The following MYSM1 variants were observed in gnomAD, a reference collection of about 807,000 sequenced individuals.
MYSM1 encodes the protein Myb like, SWIRM and MPN domains 1.
MYSM1 carries 51 observed loss-of-function variants against 116.0 expected under a neutral mutation model. That is an observed-to-expected ratio of 0.44 (90% CI 0.35 to 0.56). The LOEUF (loss-of-function observed/expected upper bound fraction) is 0.56. MYSM1 is among the 20% of genes least tolerant of loss of function. The probability of loss-of-function intolerance (pLI) is 0.00; values close to 1 mark genes in which losing one functional copy is unlikely to be tolerated. For missense variants in MYSM1, 900 were observed against 974.9 expected, an observed-to-expected ratio of 0.92 and a Z score of 1.02; for synonymous variants, 313 against 315.2, an observed-to-expected ratio of 0.99 and a Z score of 0.07.
chr1:58,678,917 T>C (rs1030850114), intron 8 of MYSM1, among the ~76,000 whole-genome samples: 1 of 152,182 alleles, frequency 6.6e-6, no homozygotes, highest in African/African-American at 2.4e-5. Flanking sequence ...TTACCTAGTG[T>C]GACCTGGAAA....
At chr1:58,681,321 T>G (rs1369564199) in intron 8 of MYSM1, among the ~76,000 whole-genome samples, 3 of 152,196 alleles carry the variant, frequency 2.0e-5, no homozygotes, top group African/African-American at 7.2e-5. Context: ...ATGAAGAAAT[T>G]AATAGCACAT....
chr1:58,686,965 TA>T (rs57730856), intron 6 of MYSM1, among the ~76,000 whole-genome samples: 143 of 142,706 alleles, frequency 1.0e-3, no homozygotes, highest in Non-Finnish European at 1.0e-3. Flanking sequence ...CCTTGTTTCT[TA>T]AAAAAAAAAA....
intron 15 of MYSM1, 102 bp from the exon 16 acceptor site, chr1:58,667,328 G>T: frequency 2.3e-6 from 2 of 857,564 alleles, no homozygotes; most frequent in South Asian, 3.9e-5. Flanking sequence ...TCAAGGCCAA[G>T]ACTTTTATTT....
At chr1:58,699,875 G>A (rs1214037636) in intron 1 of MYSM1, 110 bp downstream of exon 1, 8 of 1,531,238 alleles carry the variant, frequency 5.2e-6, no homozygotes, top group Non-Finnish European at 7.0e-6. Context: ...CTGGCCCAGG[G>A]GACAGTCTTC....
At chr1:58,687,275 A>G (rs72907432) in intron 6 of MYSM1, among the ~76,000 whole-genome samples, 3,570 of 152,264 alleles carry the variant, frequency 0.023, 140 homozygotes, top group African/African-American at 0.081. Flanking sequence ...AAATAAATAC[A>G]TATTTACTTA....
intron 7 of MYSM1, 110 bp downstream of exon 7, chr1:58,685,043 C>A (rs1206455823): frequency 8.3e-6 from 7 of 841,698 alleles, no homozygotes; most frequent in Non-Finnish European, 1.8e-6. Context: ...GTATAAAATA[C>A]TTTAAAAACT....
At position 58,699,995 on chromosome 1, in the gene MYSM1, C is replaced by T. The variant is rs1025073405; in HGVS notation, c.58G>A (p.Ala20Thr). The T allele has an allele frequency of 1.9e-6, 3 of 1,613,472 alleles. No individual in the cohort carries two copies. Among genetic ancestry groups the T allele is most frequent in the Non-Finnish European group, 1.7e-6 (2 of 1,179,990 alleles). Reference protein sequence around the residue: ...IEGDVVAAAGAQPGSGENTAS... With the variant: ...IEGDVVAAAGTQPGSGENTAS... ...GTCTCTAAGCCTCACCCTGGCTGTGCCCCCGCCGCCGCTACCACGTCCCCT... is the reference window on the plus strand; with the variant it reads ...GTCTCTAAGCCTCACCCTGGCTGTGTCCCCGCCGCCGCTACCACGTCCCCT... The change falls in exon 1 of 20, where the codon GCA becomes ACA. Residue 20 changes from alanine (A) to threonine (T), a missense_variant. By Grantham distance (58) the Ala-to-Thr change is moderately conservative. Transcript: ENST00000472487.
In MYSM1 at chr1:58,656,387, G is replaced by T. The variant is rs1644319367; in HGVS notation, c.*3610C>A. The T allele has an allele frequency of 6.7e-6, 1 of 150,078 alleles. No homozygotes were observed. The highest frequency in any genetic ancestry group is 6.6e-5 in the Admixed American group (1 of 15,210). The allele number at this position is 150,078 out of a possible 1,614,324, so 9.3% of individuals were successfully genotyped here. On this transcript the variant is annotated 3_prime_UTR_variant, in exon 20 of 20. Transcript: ENST00000472487. ...GGGTCTTGTATTTATATGCTGAGAA[G>T]TAAGAATGCAGGGAGTGATGATGAA...
At chr1:58,699,672 C>T in intron 1 of MYSM1, 1 of 985,388 alleles carries the variant, frequency 1.0e-6, no homozygotes, top group Non-Finnish European at 1.2e-6. Context: ...TCGATGAGAT[C>T]CTGAAAAGGA....
intron 3 of MYSM1, chr1:58,692,588 T>C (rs530700433): frequency 3.8e-4 from 99 of 262,728 alleles, no homozygotes; most frequent in Non-Finnish European, 6.4e-4. Flanking sequence ...ATGACTTAAA[T>C]ATTCTATCAT....
Position 58,655,363 on chromosome 1 carries a change from C to A in MYSM1, c.*4634G>T, listed in dbSNP as rs553014176. On this transcript the variant is annotated 3_prime_UTR_variant, in exon 20 of 20. Coordinates refer to ENST00000472487, the MANE Select transcript of MYSM1 (RefSeq NM_001085487.3). The stretch of plus-strand genomic sequence containing the variant: ...AAGTTCTTATGAATACCTTCATAAA[C>A]ACCAAAGGAAGAAAATAAAAACAAC... The A allele has an allele frequency of 6.6e-6, 1 of 152,200 alleles. No individual in the cohort carries two copies. Among genetic ancestry groups the A allele is most frequent in the South Asian group, 2.1e-4 (1 of 4,822 alleles). The allele number at this position is 152,200 out of a possible 1,614,324, so 9.4% of individuals were successfully genotyped here. A position where few individuals can be genotyped will look rare whatever the true frequency, so the allele number is the denominator to read the frequency against.
At position 58,657,571 on chromosome 1, in the gene MYSM1, G is replaced by A. The variant is rs1246902769; in HGVS notation, c.*2426C>T. 6.6e-6 allele frequency: 1 copy of A among 152,112 alleles called. No individual in the cohort carries two copies. Among genetic ancestry groups the A allele is most frequent in the Non-Finnish European group, 1.5e-5 (1 of 68,024 alleles). 9.4% of individuals were successfully genotyped at this position (152,112 alleles called of 1,614,324 possible). On this transcript the variant is annotated 3_prime_UTR_variant, in exon 20 of 20. Transcript: ENST00000472487. ...AGAAAAAGGAAGCAGGGAAAATGAT[G>A]GAGGAAGAGAGAAAGAAGTAACCAA...
chr1:58,662,455 C>CG (rs949227626), intron 17 of MYSM1, among the ~76,000 whole-genome samples: 1 of 39,814 alleles, frequency 2.5e-5, no homozygotes, highest in Non-Finnish European at 5.2e-5. Context: ...CCATTATTCA[C>CG]CCCCCCCTTT....
At chr1:58,687,345 G>A (rs1317486797) in intron 6 of MYSM1, among the ~76,000 whole-genome samples, 1 of 152,162 alleles carries the variant, frequency 6.6e-6, no homozygotes, top group Non-Finnish European at 1.5e-5. Flanking sequence ...CCCGGGCGAA[G>A]CGAACTGAAG....
At chr1:58,679,298 T>C (rs749966856) in intron 8 of MYSM1, among the ~76,000 whole-genome samples, 1 of 152,132 alleles carries the variant, frequency 6.6e-6, no homozygotes, top group Non-Finnish European at 1.5e-5. Context: ...CATAATGAAA[T>C]AGCAATACCT....
chr1:58,664,195 T>C (rs1557504923), intron 17 of MYSM1, among the ~76,000 whole-genome samples: 1 of 152,196 alleles, frequency 6.6e-6, no homozygotes, highest in East Asian at 1.9e-4. Context: ...TCTGTGAGAT[T>C]ATAAAATCAA....
intron 17 of MYSM1, among the ~76,000 whole-genome samples, chr1:58,665,095 C>T (rs1275518212): frequency 1.3e-5 from 2 of 151,922 alleles, no homozygotes; most frequent in Non-Finnish European, 2.9e-5. Flanking sequence ...AACCCTAAAC[C>T]GGGAGGTGAC....
At chr1:58,672,023 C>T (rs1644569372) in intron 11 of MYSM1, 65 bp from the exon 12 acceptor site, 1 of 1,322,380 alleles carries the variant, frequency 7.6e-7, no homozygotes, top group Non-Finnish European at 1.1e-6. Flanking sequence ...AAAAATAGTC[C>T]TTTAAAATCA....
At chr1:58,668,519 A>G in intron 14 of MYSM1, 113 bp downstream of exon 14, 1 of 1,390,970 alleles carries the variant, frequency 7.2e-7, no homozygotes, top group South Asian at 1.8e-5. Flanking sequence ...CTTGTAAAAG[A>G]GGACAGTTAA....
Sources: allele counts gnomAD v4.1 joint callset (sites outside exome capture counted in the v4.1 genomes callset), GRCh38; gene constraint gnomAD v4.1.1; transcripts MANE v1.5; gene names NCBI Gene and HGNC (gene_info 2026-07-23, HGNC 2026-07-21).